Variants in DRC8 observed in about 807,000 individuals in gnomAD.
DRC8 encodes dynein regulatory complex subunit 8.
chr1:244,978,965 CAAT>C, the DRC8 span, among the ~76,000 whole-genome samples: 1,869 of 152,108 alleles, frequency 0.012, 43 homozygotes, highest in African/African-American at 0.043. Context: ...GCTAAGGAGA[CAAT>C]GATACAATAA....
At chr1:245,028,055 C>T in the DRC8 span, among the ~76,000 whole-genome samples, 3 of 152,134 alleles carry the variant, frequency 2.0e-5, no homozygotes, top group East Asian at 3.9e-4. Flanking sequence ...CCACACCCAG[C>T]TAAATTTTAG....
chr1:244,997,789 C>T, the DRC8 span, among the ~76,000 whole-genome samples: 1 of 152,124 alleles, frequency 6.6e-6, no homozygotes, highest in African/African-American at 2.4e-5. Flanking sequence ...AGGTGATCCG[C>T]CCACCTCGGC....
At chr1:245,113,212 G>A in the DRC8 span, among the ~76,000 whole-genome samples, 1 of 152,286 alleles carries the variant, frequency 6.6e-6, no homozygotes, top group African/African-American at 2.4e-5. Flanking sequence ...TTATCACCGT[G>A]TCTTACAGGC....
the DRC8 span, among the ~76,000 whole-genome samples, chr1:244,982,073 A>C: frequency 1.3e-5 from 2 of 152,298 alleles, no homozygotes; most frequent in East Asian, 3.9e-4. Context: ...TGCAGCTGGA[A>C]GACCTACAAG....
chr1:244,976,722 G>A, the DRC8 span, among the ~76,000 whole-genome samples: 1 of 152,220 alleles, frequency 6.6e-6, no homozygotes, highest in Admixed American at 6.5e-5. Flanking sequence ...ACTATGGAAA[G>A]TGGTATGGCG....
chr1:245,010,635 C>G, the DRC8 span, among the ~76,000 whole-genome samples: 2 of 152,034 alleles, frequency 1.3e-5, no homozygotes, highest in Non-Finnish European at 2.9e-5. Context: ...TTTTGGGGTA[C>G]CCCTTTAATC....
chr1:245,106,152 G>GTA, the DRC8 span, among the ~76,000 whole-genome samples: 6 of 152,316 alleles, frequency 3.9e-5, no homozygotes, highest in South Asian at 2.1e-4. Flanking sequence ...CTTATGAGAC[G>GTA]TATAAGCCTC....
the DRC8 span, among the ~76,000 whole-genome samples, chr1:245,108,562 C>T: frequency 1.2e-4 from 18 of 152,286 alleles, no homozygotes; most frequent in African/African-American, 3.4e-4. Flanking sequence ...CATTCATCCC[C>T]GTGACCCCAG....
chr1:245,087,128 G>C, the DRC8 span: 5 of 1,438,512 alleles, frequency 3.5e-6, no homozygotes, highest in Non-Finnish European at 4.7e-6. Context: ...GCTCCAGGGA[G>C]CGTAACTAGT....
At chr1:245,112,937 G>A in the DRC8 span, among the ~76,000 whole-genome samples, 4 of 152,038 alleles carry the variant, frequency 2.6e-5, no homozygotes, top group Non-Finnish European at 5.9e-5. Context: ...AATTTTGGTA[G>A]AGACAGTGGT....
the DRC8 span, among the ~76,000 whole-genome samples, chr1:245,010,763 G>T: frequency 6.8e-6 from 1 of 146,850 alleles, no homozygotes; most frequent in African/African-American, 2.5e-5. Flanking sequence ...CTCACTGCAA[G>T]CTCTGCCTTC....
chr1:244,974,497 C>T, the DRC8 span, among the ~76,000 whole-genome samples: 1 of 152,158 alleles, frequency 6.6e-6, no homozygotes, highest in Non-Finnish European at 1.5e-5. Context: ...ATTATCACCT[C>T]CTAAATGGAA....
chr1:245,000,999 T>C, the DRC8 span, among the ~76,000 whole-genome samples: 1 of 151,644 alleles, frequency 6.6e-6, no homozygotes, highest in African/African-American at 2.4e-5. Context: ...CAGGGGAAAG[T>C]ACCAGGCAGA....
chr1:245,057,845 C>T, the DRC8 span, among the ~76,000 whole-genome samples: 1 of 152,114 alleles, frequency 6.6e-6, no homozygotes, highest in African/African-American at 2.4e-5. Flanking sequence ...AAATTGTTCA[C>T]TCTAATTTTC....
At chr1:245,067,520 T>G in the DRC8 span, among the ~76,000 whole-genome samples, 1 of 152,212 alleles carries the variant, frequency 6.6e-6, no homozygotes, top group African/African-American at 2.4e-5. Context: ...TTCCTACACT[T>G]TTCATCTTGG....
At chr1:244,975,826 C>T in the DRC8 span, among the ~76,000 whole-genome samples, 6 of 152,032 alleles carry the variant, frequency 3.9e-5, no homozygotes, top group South Asian at 1.2e-3. Context: ...CACTACTGCA[C>T]TCCAGCCTGA....
the DRC8 span, among the ~76,000 whole-genome samples, chr1:245,119,605 C>G: frequency 6.6e-6 from 1 of 150,930 alleles, no homozygotes; most frequent in Non-Finnish European, 1.5e-5. Flanking sequence ...CGCCACTGTG[C>G]TCCAGCCTGG....
At chr1:245,089,359 A>G in the DRC8 span, among the ~76,000 whole-genome samples, 1 of 152,150 alleles carries the variant, frequency 6.6e-6, no homozygotes, top group Non-Finnish European at 1.5e-5. This position sits in a 1 kb window ranked among gnomAD's most constrained non-coding sequence, Gnocchi z 4.8. Flanking sequence ...ATGCCTTGAA[A>G]GTAGAAGAGA....
chr1:245,105,052 G>A, the DRC8 span, among the ~76,000 whole-genome samples: 5 of 152,292 alleles, frequency 3.3e-5, no homozygotes, highest in South Asian at 2.1e-4. Flanking sequence ...TGTTTAACAC[G>A]TCCCTCTATT....
Sources: allele counts gnomAD v4.1 joint callset (sites outside exome capture counted in the v4.1 genomes callset), GRCh38; gene constraint gnomAD v4.1.1; non-coding constraint Gnocchi (gnomAD v3.1); transcripts MANE v1.5; gene names NCBI Gene and HGNC (gene_info 2026-07-23, HGNC 2026-07-21).